Variants in MITF observed in about 807,000 individuals in gnomAD.
The protein encoded by MITF is melanocyte inducing transcription factor.
Under a neutral mutation model 60.5 loss-of-function variants are expected in MITF, and 17 were observed. The observed-to-expected ratio is 0.28, with a 90% CI of 0.19 to 0.42. MITF has a LOEUF of 0.42. Among genes scored for constraint, MITF ranks in the 10% least tolerant of loss-of-function variants. The probability of loss-of-function intolerance (pLI) is 1.00; values close to 1 mark genes in which losing one functional copy is unlikely to be tolerated. For missense variants in MITF, 622 were observed against 683.5 expected (o/e 0.91, Z 1.00); for synonymous variants, 260 against 248.5 (o/e 1.05, Z -0.43).
intron 1 of MITF, among the ~76,000 whole-genome samples, chr3:69,801,923 G>C (rs1477723848): frequency 6.6e-6 from 1 of 152,104 alleles, no homozygotes; most frequent in African/African-American, 2.4e-5. Flanking sequence ...AGGGAATCAA[G>C]TGATTTGTCT....
chr3:69,863,601 G>A (rs2064056407), intron 1 of MITF, among the ~76,000 whole-genome samples: 1 of 152,200 alleles, frequency 6.6e-6, no homozygotes. Flanking sequence ...GATTTTCCCT[G>A]TGTGTGAGCA....
chr3:69,886,407 G>A (rs1008637886), intron 2 of MITF, among the ~76,000 whole-genome samples: 7 of 151,992 alleles, frequency 4.6e-5, no homozygotes, highest in African/African-American at 1.4e-4. Context: ...GAAACAAGTA[G>A]GATAAGCCTT....
chr3:69,822,658 C>T, intron 1 of MITF, among the ~76,000 whole-genome samples: 1 of 152,154 alleles, frequency 6.6e-6, no homozygotes, highest in Non-Finnish European at 1.5e-5. Context: ...TAGATAATAA[C>T]AGCAATTTCT....
At chr3:69,906,943 T>A (rs1343775940) in intron 2 of MITF, among the ~76,000 whole-genome samples, 1 of 152,114 alleles carries the variant, frequency 6.6e-6, no homozygotes, top group Non-Finnish European at 1.5e-5. Context: ...ATTGGCTACT[T>A]AATATATGCT....
At chr3:69,803,620 A>G (rs1026763774) in intron 1 of MITF, among the ~76,000 whole-genome samples, 2 of 152,208 alleles carry the variant, frequency 1.3e-5, no homozygotes, top group East Asian at 3.8e-4. Flanking sequence ...AGTAAATCTA[A>G]TTTTTTAAAA....
chr3:69,945,579 A>G (rs546512006), intron 5 of MITF, among the ~76,000 whole-genome samples: 6 of 152,352 alleles, frequency 3.9e-5, no homozygotes, highest in Non-Finnish European at 7.3e-5. Context: ...CACATTTTAA[A>G]TTATTTCCAT....
intron 1 of MITF, among the ~76,000 whole-genome samples, chr3:69,856,037 T>C (rs142120981): frequency 2.0e-5 from 3 of 152,300 alleles, no homozygotes; most frequent in East Asian, 3.9e-4. Context: ...TAGTGAGAGA[T>C]TGGGGCTGGG....
At chr3:69,796,287 G>T (rs1453191612) in intron 1 of MITF, among the ~76,000 whole-genome samples, 1 of 151,780 alleles carries the variant, frequency 6.6e-6, no homozygotes, top group African/African-American at 2.4e-5. Flanking sequence ...GGCCTCTGTT[G>T]CTATTTTTGA....
Position 69,928,019 on chromosome 3 carries a change from C to G in MITF, c.355-9803C>G, listed in dbSNP as rs373170744. On this transcript the variant is annotated intron_variant, in intron 2 of 9. Transcript: ENST00000352241. ...CCGTCGGGTCCATTACTCAACTATG[C>G]TCTTGTACTGTTATAGCTTGAAAGC... is the stretch of plus-strand genomic sequence containing the variant. Among the ~76,000 whole-genome samples the G allele has an allele frequency of 4.6e-5, 7 of 152,318 alleles. No homozygotes were observed. The East Asian group carries it at 7.7e-4, about 17-fold the overall frequency.
At chr3:69,824,049 A>G (rs954837930) in intron 1 of MITF, among the ~76,000 whole-genome samples, 4 of 152,258 alleles carry the variant, frequency 2.6e-5, no homozygotes, top group Non-Finnish European at 4.4e-5. Flanking sequence ...TTTGTAGCTC[A>G]GTGAGAGATT....
rs1281327686 is a variant in MITF, at chr3:69,763,879, G to A, written c.104+24178G>A. On this transcript the variant is annotated intron_variant, in intron 1 of 9. Coordinates refer to ENST00000352241, the MANE Select transcript of MITF (RefSeq NM_001354604.2). ...GAAAATACTTCAGTGGTTTTCCCAC[G>A]AGCTATTTTCTCTCTCTGTGAAAAG... The A allele has an allele frequency of 2.9e-6, 4 of 1,378,954 alleles. No individual in the cohort carries two copies. Among genetic ancestry groups the A allele is most frequent in the Non-Finnish European group, 2.9e-6 (3 of 1,030,542 alleles). 85.4% of individuals were successfully genotyped at this position (1,378,954 alleles called of 1,614,324 possible).
intron 2 of MITF, among the ~76,000 whole-genome samples, chr3:69,898,736 A>G (rs762461018): frequency 1.2e-4 from 19 of 152,128 alleles, no homozygotes; most frequent in Admixed American, 2.6e-4. Context: ...AAAAGTGTCT[A>G]TTGGGTTGGT....
chr3:69,926,738 G>T (rs969920681), intron 2 of MITF, among the ~76,000 whole-genome samples: 2 of 152,066 alleles, frequency 1.3e-5, no homozygotes, highest in African/African-American at 4.8e-5. Context: ...TGTGGCCTTT[G>T]GAAAAACCAT....
intron 1 of MITF, among the ~76,000 whole-genome samples, chr3:69,855,939 C>G (rs1339948737): frequency 2.0e-5 from 3 of 152,114 alleles, no homozygotes; most frequent in Admixed American, 1.3e-4. Context: ...CATGTAACTT[C>G]CATGGTGATA....
rs2066679882 is a variant in MITF at position 69,965,912 on chromosome 3, T to C, written c.*664T>C. 1 of 231,546 alleles carries C rather than the reference T, an allele frequency of 4.3e-6. No homozygotes were observed. The highest frequency in any genetic ancestry group is 5.6e-5 in the Admixed American group (1 of 17,744). 14.3% of individuals were successfully genotyped at this position (231,546 alleles called of 1,614,324 possible). A position where few individuals can be genotyped will look rare whatever the true frequency, so the allele number is the denominator to read the frequency against. On this transcript the variant is annotated 3_prime_UTR_variant, in exon 10 of 10. Transcript: ENST00000352241. ...GGAGTTAGACCAAGGCTCTGAAATA[T>C]AAAGTCTAATCTTGCTCTCTTTTAT...
At chr3:69,849,932 C>T (rs2063797504) in intron 1 of MITF, among the ~76,000 whole-genome samples, 1 of 152,212 alleles carries the variant, frequency 6.6e-6, no homozygotes, top group Admixed American at 6.5e-5. Context: ...TTAATCAAAA[C>T]TCCATGCAGT....
At chr3:69,826,351 TTTGGG>T (rs2063354061) in intron 1 of MITF, among the ~76,000 whole-genome samples, 1 of 152,206 alleles carries the variant, frequency 6.6e-6, no homozygotes, top group Non-Finnish European at 1.5e-5. Flanking sequence ...CATGATTATG[TTTGGG>T]AAATTGATTC....
At chr3:69,829,315 A>G (rs952769936) in intron 1 of MITF, among the ~76,000 whole-genome samples, 4 of 152,194 alleles carry the variant, frequency 2.6e-5, no homozygotes, top group African/African-American at 7.2e-5. Context: ...AGAAAGTGAT[A>G]TAACTTCTGT....
At chr3:69,846,555 C>G (rs2063736423) in intron 1 of MITF, among the ~76,000 whole-genome samples, 1 of 152,122 alleles carries the variant, frequency 6.6e-6, no homozygotes, top group African/African-American at 2.4e-5. Flanking sequence ...TGGCTCATGC[C>G]TATAATCCCA....
Sources: allele counts gnomAD v4.1 joint callset (sites outside exome capture counted in the v4.1 genomes callset), GRCh38; gene constraint gnomAD v4.1.1; transcripts MANE v1.5; gene names NCBI Gene and HGNC (gene_info 2026-07-23, HGNC 2026-07-21).